NMRK1: variants seen among roughly 807,000 people sequenced by gnomAD.
The protein encoded by NMRK1 is nicotinamide riboside kinase 1.
NMRK1 carries 28 observed loss-of-function variants against 29.9 expected under a neutral mutation model. That is an observed-to-expected ratio of 0.94 (90% CI 0.69 to 1.28). NMRK1 has a LOEUF of 1.28. Ranked by LOEUF, NMRK1 falls within the 50% of genes most tolerant of loss-of-function variation. The probability of loss-of-function intolerance (pLI) is 0.00; values close to 1 mark genes in which losing one functional copy is unlikely to be tolerated. For missense variants in NMRK1, 218 were observed against 233.1 expected (o/e 0.94, Z 0.42); for synonymous variants, 58 against 73.0 (o/e 0.79, Z 1.05).
chr9:75,062,929 G>A (rs527448133), intron 8 of NMRK1, among the ~76,000 whole-genome samples: 20 of 152,288 alleles, frequency 1.3e-4, no homozygotes, highest in African/African-American at 4.3e-4. Context: ...CTACTTGGGA[G>A]GCTGAGGTAG....
intron 8 of NMRK1, among the ~76,000 whole-genome samples, chr9:75,062,492 A>AT (rs200236312): frequency 0.011 from 1,639 of 150,102 alleles, 25 homozygotes; most frequent in African/African-American, 0.036. Context: ...CTCAGCCTTG[A>AT]TTTTTTTTTT....
At chr9:75,084,098 T>C (rs1287292826) in intron 1 of NMRK1, among the ~76,000 whole-genome samples, 1 of 152,218 alleles carries the variant, frequency 6.6e-6, no homozygotes. Flanking sequence ...TTCACTAAAG[T>C]AGTCCTTGGT....
chr9:75,075,988 T>G (rs1325786295), intron 4 of NMRK1, among the ~76,000 whole-genome samples: 1 of 152,210 alleles, frequency 6.6e-6, no homozygotes, highest in Non-Finnish European at 1.5e-5. Context: ...GGAATGTAAA[T>G]TAGTACAGCC....
At chr9:75,078,182 A>G (rs1587393234) in intron 2 of NMRK1, 1 of 1,356,996 alleles carries the variant, frequency 7.4e-7, no homozygotes, top group Admixed American at 2.8e-5. Context: ...CCTATGTCAA[A>G]ATATTCACAT....
rs768762395 is a variant in NMRK1 at position 75,077,257 on chromosome 9, A to G, written c.121-50T>C. On this transcript the variant is annotated intron_variant, in intron 3 of 8. Coordinates refer to ENST00000361092, the MANE Select transcript of NMRK1 (RefSeq NM_017881.3). ...CAAAACAGTGTGTAGGAAAGAAATA[A>G]TACAATTATAGACTAAAAAGGAGAG... is the stretch of plus-strand genomic sequence containing the variant. The G allele has an allele frequency of 6.5e-6, 8 of 1,239,830 alleles. No homozygotes were observed. The East Asian group carries it at 1.6e-4, about 25-fold the overall frequency. 76.8% of individuals were successfully genotyped at this position (1,239,830 alleles called of 1,614,324 possible).
chr9:75,061,353 C>A lies in NMRK1; in HGVS notation c.*195G>T. Reference sequence around the variant, plus strand: ...CGCTCCCTGGAGAGGGAGCAACTTGCTAAGGTACAGTCCTGTCCATTGGCA... The same window carrying A: ...CGCTCCCTGGAGAGGGAGCAACTTGATAAGGTACAGTCCTGTCCATTGGCA... On this transcript the variant is annotated 3_prime_UTR_variant, in exon 9 of 9. Coordinates refer to ENST00000361092, the MANE Select transcript of NMRK1 (RefSeq NM_017881.3). The A allele has an allele frequency of 5.6e-6, 3 of 531,540 alleles. No homozygotes were observed. Among genetic ancestry groups the A allele is most frequent in the Non-Finnish European group, 1.0e-5 (3 of 301,214 alleles). 32.9% of individuals were successfully genotyped at this position (531,540 alleles called of 1,614,324 possible). A position where few individuals can be genotyped will look rare whatever the true frequency, so the allele number is the denominator to read the frequency against.
chr9:75,066,615 T>G, intron 8 of NMRK1, 142 bp downstream of exon 8: 1 of 678,614 alleles, frequency 1.5e-6, no homozygotes, highest in Non-Finnish European at 2.7e-6. Flanking sequence ...GAATTTCTGA[T>G]TCTGAATTAT....
chr9:75,071,207 T>A (rs1399232516), intron 4 of NMRK1, among the ~76,000 whole-genome samples: 5 of 152,228 alleles, frequency 3.3e-5, no homozygotes, highest in African/African-American at 1.2e-4. Flanking sequence ...TTGTTCAGAT[T>A]GAGTAATTTG....
chr9:75,069,597 A>C (rs1823576587), intron 6 of NMRK1, 145 bp downstream of exon 6: 2 of 667,840 alleles, frequency 3.0e-6, no homozygotes, highest in South Asian at 3.6e-5. Flanking sequence ...TATGGAAAAG[A>C]GTTTTGCTCC....
chr9:75,073,338 T>A (rs1490882876), intron 4 of NMRK1, among the ~76,000 whole-genome samples: 1 of 152,222 alleles, frequency 6.6e-6, no homozygotes, highest in Non-Finnish European at 1.5e-5. Context: ...GATCTCAGAC[T>A]TCTGGCCTCT....
intron 1 of NMRK1, chr9:75,087,552 T>G (rs1045066910): frequency 6.6e-6 from 1 of 152,042 alleles, no homozygotes; most frequent in Non-Finnish European, 1.5e-5. Flanking sequence ...AATCGTAATT[T>G]CATGTAATTT....
intron 2 of NMRK1, among the ~76,000 whole-genome samples, chr9:75,082,286 C>T (rs115326389): frequency 0.021 from 3,123 of 152,252 alleles, 113 homozygotes; most frequent in African/African-American, 0.072. Flanking sequence ...AAAAACTGAA[C>T]TTTTCTTCTG....
At chr9:75,084,619 C>A (rs555809500) in intron 1 of NMRK1, among the ~76,000 whole-genome samples, 2 of 152,252 alleles carry the variant, frequency 1.3e-5, no homozygotes, top group East Asian at 3.9e-4. Context: ...CAAAACGCTA[C>A]CTCTACCAAA....
chr9:75,082,148 G>A (rs1484991883), intron 2 of NMRK1, among the ~76,000 whole-genome samples: 1 of 152,220 alleles, frequency 6.6e-6, no homozygotes, highest in East Asian at 1.9e-4. Context: ...TCTGTATGAA[G>A]ATTAAACTGA....
chr9:75,068,860 C>A, intron 7 of NMRK1, 136 bp downstream of exon 7: 2 of 586,690 alleles, frequency 3.4e-6, no homozygotes, highest in Non-Finnish European at 6.2e-6. Flanking sequence ...CCAGGAGAAC[C>A]AGCTATGGAA....
chr9:75,069,971 CAG>C lies in NMRK1; in HGVS notation c.239_240del (p.Ser80CysfsTer10). The stretch of plus-strand genomic sequence containing the variant: ...GCACTTTCCTGGTCTGTTGATACCA[CAG>C]AGTGTCTTGCGCTTTCCATCCAGCA... ...ISCWMESARH[S>X]VVSTDQESAE... On this transcript the variant is annotated frameshift_variant, in exon 5 of 9. Transcript: ENST00000361092. LOFTEE classifies it high-confidence loss of function. 6.2e-7 allele frequency: 1 copy of C among 1,613,994 alleles called. No homozygotes were observed. Among genetic ancestry groups the C allele is most frequent in the South Asian group, 1.1e-5 (1 of 91,044 alleles).
In NMRK1 at chr9:75,083,074, C is replaced by G. The variant is rs772305568; in HGVS notation, c.29+13G>C. The G allele has an allele frequency of 9.5e-6, 15 of 1,586,214 alleles. No homozygotes were observed. The highest frequency in any genetic ancestry group is 1.2e-5 in the Non-Finnish European group (14 of 1,154,594). The stretch of plus-strand genomic sequence containing the variant: ...CAGTATCTTAAAGAGCTGTTTGTAG[C>G]AAAATTACTCACCCACTGATTCCAA... On this transcript the variant is annotated intron_variant, in intron 2 of 8. Coordinates refer to ENST00000361092, the MANE Select transcript of NMRK1 (RefSeq NM_017881.3).
intron 2 of NMRK1, among the ~76,000 whole-genome samples, chr9:75,082,380 A>G (rs1460779972): frequency 1.3e-5 from 2 of 152,246 alleles, no homozygotes; most frequent in East Asian, 1.9e-4. Flanking sequence ...GTAATGTAAT[A>G]CCATAACACA....
intron 7 of NMRK1, chr9:75,067,220 C>T (rs1823405769): frequency 5.8e-6 from 1 of 172,742 alleles, no homozygotes; most frequent in Non-Finnish European, 1.2e-5. Flanking sequence ...CATACTTATA[C>T]ATCAGGATCA....
Sources: allele counts gnomAD v4.1 joint callset (sites outside exome capture counted in the v4.1 genomes callset), GRCh38; gene constraint gnomAD v4.1.1; transcripts MANE v1.5; gene names NCBI Gene and HGNC (gene_info 2026-07-23, HGNC 2026-07-21).